The following OPCML variants were observed in gnomAD, a reference collection of about 807,000 sequenced individuals.
OPCML encodes opioid-binding protein/cell adhesion molecule.
A neutral mutation model predicts 37.8 loss-of-function variants in OPCML; 13 were observed. The observed-to-expected ratio is 0.34, with a 90% CI of 0.22 to 0.55. The LOEUF (loss-of-function observed/expected upper bound fraction) is 0.55, where lower values mean the gene tolerates loss of function less well. Among genes scored for constraint, OPCML ranks in the 20% least tolerant of loss-of-function variants. The pLI is 0.91. For missense variants in OPCML, 341 were observed against 435.6 expected (o/e 0.78, Z 1.93); for synonymous variants, 176 against 168.8 (o/e 1.04, Z -0.33).
chr11:132,447,900 C>T (rs1295576205), intron 4 of OPCML, among the ~76,000 whole-genome samples: 2 of 152,218 alleles, frequency 1.3e-5, no homozygotes, highest in East Asian at 3.9e-4. Context: ...GCTCCAGGCT[C>T]ATCAGCTATA....
chr11:133,275,078 C>T (rs1941954660), intron 1 of OPCML, among the ~76,000 whole-genome samples: 1 of 152,178 alleles, frequency 6.6e-6, no homozygotes, highest in Non-Finnish European at 1.5e-5. Flanking sequence ...AAGCACCCTT[C>T]AGTTTCCTGG....
Position 133,140,919 on chromosome 11 carries a change from A to G in OPCML, c.62-197909T>C, listed in dbSNP as rs1258089151. On this transcript the variant is annotated intron_variant, in intron 1 of 7. Coordinates refer to ENST00000524381, the MANE Select transcript of OPCML (RefSeq NM_001012393.5). ...AAGACGACGACGACGAAGAAGAAGA[A>G]GACGACGACGACGAAGAAGAAGAAG... 2.2e-3 allele frequency among the ~76,000 whole-genome samples: 38 copies of G among 17,630 alleles called. 5 individuals are homozygous for G. Among genetic ancestry groups the G allele is most frequent in the African/African-American group, 4.2e-3 (38 of 8,980 alleles). 11.6% of individuals were successfully genotyped at this position (17,630 alleles called of 152,430 possible).
At chr11:133,390,340 G>A (rs1028854602) in intron 1 of OPCML, among the ~76,000 whole-genome samples, 6 of 152,098 alleles carry the variant, frequency 3.9e-5, no homozygotes, top group Non-Finnish European at 7.4e-5. Flanking sequence ...GCGGGCGCCT[G>A]TAGTCCCAGC....
chr11:133,031,336 T>C (rs1169294326), intron 1 of OPCML, among the ~76,000 whole-genome samples: 4 of 151,540 alleles, frequency 2.6e-5, no homozygotes, highest in Admixed American at 2.0e-4. Flanking sequence ...GATGGATTGA[T>C]GGGTGTATGA....
intron 2 of OPCML, among the ~76,000 whole-genome samples, chr11:132,933,304 T>C (rs1945269640): frequency 1.3e-5 from 2 of 152,152 alleles, no homozygotes; most frequent in Non-Finnish European, 1.5e-5. Context: ...CCAGCCTCTA[T>C]TATGTGACCT....
At chr11:133,384,264 A>G (rs1565605849) in intron 1 of OPCML, among the ~76,000 whole-genome samples, 2 of 36,518 alleles carry the variant, frequency 5.5e-5, no homozygotes, top group African/African-American at 2.0e-4. Flanking sequence ...AAAAAAAAAA[A>G]AGAAAAGAAA....
intron 1 of OPCML, among the ~76,000 whole-genome samples, chr11:133,347,795 A>T (rs1944036726): frequency 6.6e-6 from 1 of 152,164 alleles, no homozygotes; most frequent in Non-Finnish European, 1.5e-5. Flanking sequence ...TTCAGCAATA[A>T]ATATACTTGG....
intron 6 of OPCML, 86 bp downstream of exon 6, chr11:132,436,573 C>A: frequency 6.4e-7 from 1 of 1,566,350 alleles, no homozygotes; most frequent in East Asian, 2.3e-5. Flanking sequence ...TTATCTTTCC[C>A]CTTTTCTTCA....
intron 1 of OPCML, chr11:133,006,232 A>G (rs1357146275): frequency 4.7e-6 from 3 of 638,226 alleles, no homozygotes; most frequent in Non-Finnish European, 5.8e-6. Flanking sequence ...CCTGCGTGGA[A>G]CCTGGGATTC....
chr11:133,034,160 G>C (rs150802762), intron 1 of OPCML, among the ~76,000 whole-genome samples: 129 of 152,212 alleles, frequency 8.5e-4, no homozygotes, highest in African/African-American at 2.9e-3. Context: ...AGCTGGCTCT[G>C]GGCAGCTTTG....
chr11:132,740,786 C>T (rs757883951), intron 2 of OPCML, among the ~76,000 whole-genome samples: 2 of 152,098 alleles, frequency 1.3e-5, no homozygotes, highest in Non-Finnish European at 2.9e-5. Flanking sequence ...ACAACATTTC[C>T]TGGGAAGTTG....
intron 1 of OPCML, among the ~76,000 whole-genome samples, chr11:133,014,257 A>G (rs2136883085): frequency 6.6e-6 from 1 of 152,150 alleles, no homozygotes; most frequent in South Asian, 2.1e-4. Context: ...CTCTTGGAGA[A>G]CTGCTCATTC....
At chr11:132,653,932 C>A (rs918012172) in intron 3 of OPCML, among the ~76,000 whole-genome samples, 3 of 152,200 alleles carry the variant, frequency 2.0e-5, no homozygotes, top group African/African-American at 7.2e-5. Context: ...TACCCATCAG[C>A]AGTTTGAAAT....
chr11:132,957,674 C>T (rs1485890637), intron 1 of OPCML, among the ~76,000 whole-genome samples: 1 of 151,454 alleles, frequency 6.6e-6, no homozygotes, highest in Non-Finnish European at 1.5e-5. Context: ...GCAACATGTA[C>T]TCACTCTGTC....
chr11:133,503,958 G>T (rs939437759), intron 1 of OPCML, among the ~76,000 whole-genome samples: 6 of 152,168 alleles, frequency 3.9e-5, no homozygotes, highest in African/African-American at 1.4e-4. Context: ...AGGAGGAAAG[G>T]CAAGACAAGG....
intron 1 of OPCML, among the ~76,000 whole-genome samples, chr11:133,259,727 ATC>A (rs1429964123): frequency 1.3e-5 from 2 of 152,236 alleles, no homozygotes; most frequent in East Asian, 3.9e-4. Context: ...TATGAAACAA[ATC>A]TTATCTTGCT....
intron 2 of OPCML, among the ~76,000 whole-genome samples, chr11:132,765,402 C>T (rs774616081): frequency 1.1e-4 from 17 of 152,274 alleles, no homozygotes; most frequent in Non-Finnish European, 2.1e-4. Context: ...AAATTTAATG[C>T]GAGATTTCTA....
intron 1 of OPCML, among the ~76,000 whole-genome samples, chr11:133,048,983 C>A (rs1282568977): frequency 6.6e-6 from 1 of 152,212 alleles, no homozygotes; most frequent in Non-Finnish European, 1.5e-5. Context: ...TGATTCAAGA[C>A]TAGCAGCTTC....
At chr11:133,190,816 TA>T (rs1361958906) in intron 1 of OPCML, among the ~76,000 whole-genome samples, 14 of 152,300 alleles carry the variant, frequency 9.2e-5, no homozygotes, top group South Asian at 4.1e-4. Flanking sequence ...ATTAGTGTTT[TA>T]TTTTTTTTAA....
Sources: gnomAD v4.1 joint callset for allele counts (sites outside exome capture counted in the v4.1 genomes callset) on GRCh38, gnomAD v4.1.1 for gene constraint, MANE v1.5 for transcripts, NCBI Gene and HGNC (gene_info 2026-07-23, HGNC 2026-07-21) for gene names.